The following CEP126 variants were observed in gnomAD, a reference collection of about 807,000 sequenced individuals.
CEP126 encodes the protein centrosomal protein 126, also known as centrosomal protein of 126 kDa.
A neutral mutation model predicts 107.8 loss-of-function variants in CEP126; 74 were observed. The ratio of observed to expected loss-of-function variants is 0.69; its 90% CI spans 0.57 to 0.83. The LOEUF (loss-of-function observed/expected upper bound fraction) is 0.83, where lower values mean the gene tolerates loss of function less well. Ranked by LOEUF, CEP126 falls within the 40% of genes least tolerant of loss-of-function variation. The pLI is 0.00. For missense variants in CEP126, 1,237 were observed against 1,281.9 expected, an observed-to-expected ratio of 0.96 and a Z score of 0.53; for synonymous variants, 449 against 446.0, an observed-to-expected ratio of 1.01 and a Z score of -0.08.
chr11:101,947,856 C>G (rs1940758358), intron 3 of CEP126, among the ~76,000 whole-genome samples, 175 bp from the exon 4 acceptor site: 1 of 152,090 alleles, frequency 6.6e-6, no homozygotes, highest in Non-Finnish European at 1.5e-5. Context: ...TGAGGTAACA[C>G]ATTCTCTTTT....
intron 2 of CEP126, among the ~76,000 whole-genome samples, chr11:101,927,705 C>A (rs556281308): frequency 2.0e-4 from 30 of 152,258 alleles, no homozygotes; most frequent in African/African-American, 7.2e-4. Flanking sequence ...CTTTGGGATT[C>A]ATTCAAGTTG....
chr11:101,993,911 T>C (rs1941413784), intron 10 of CEP126, among the ~76,000 whole-genome samples: 1 of 152,222 alleles, frequency 6.6e-6, no homozygotes, highest in African/African-American at 2.4e-5. Flanking sequence ...TGTTTCTTGC[T>C]TGTTAATTCA....
At chr11:101,937,026 A>G (rs971677806) in intron 2 of CEP126, among the ~76,000 whole-genome samples, 1 of 152,222 alleles carries the variant, frequency 6.6e-6, no homozygotes, top group African/African-American at 2.4e-5. Context: ...GTACATACAT[A>G]ATGAGTTATC....
At position 101,915,298 on chromosome 11, in the gene CEP126, G is replaced by C. The variant is rs1044020803; in HGVS notation, c.14G>C (p.Arg5Thr). 1.2e-6 allele frequency: 2 copies of C among 1,613,666 alleles called. No individual in the cohort carries two copies. Among genetic ancestry groups the C allele is most frequent in the South Asian group, 2.2e-5 (2 of 91,072 alleles). The change falls in exon 1 of 11, where the codon AGG becomes ACG. Residue 5 changes from arginine to threonine, a missense_variant. Physicochemically the swap from Arg to Thr is moderately conservative, Grantham distance 71. Coordinates refer to ENST00000263468, the MANE Select transcript of CEP126 (RefSeq NM_020802.4). ...CTGAAGTGAAGGATGCTGGCGGGGA[G>C]GCCCGGAACCCGGAGCGCGGTCGGG... MLAGRPGTRSAVGEL... is the reference protein window; with the variant it reads MLAGTPGTRSAVGEL...
At chr11:101,956,870 G>C (rs571499238) in intron 4 of CEP126, 1 of 371,628 alleles carries the variant, frequency 2.7e-6, no homozygotes, top group Non-Finnish European at 5.2e-6. Flanking sequence ...GAAGAAAGTA[G>C]AGAAGAGAAG....
chr11:101,930,862 G>A (rs1940488974), intron 2 of CEP126, among the ~76,000 whole-genome samples: 1 of 152,162 alleles, frequency 6.6e-6, no homozygotes, highest in South Asian at 2.1e-4. Flanking sequence ...GGTTGAATCT[G>A]TAGATATGGA....
At chr11:101,918,245 C>T (rs778204740) in intron 1 of CEP126, among the ~76,000 whole-genome samples, 11 of 152,142 alleles carry the variant, frequency 7.2e-5, no homozygotes, top group South Asian at 2.1e-4. Context: ...TCCAGGAGTT[C>T]GAAACCAGCC....
At chr11:101,969,987 T>A (rs1057191562) in intron 6 of CEP126, among the ~76,000 whole-genome samples, 1 of 152,182 alleles carries the variant, frequency 6.6e-6, no homozygotes, top group Non-Finnish European at 1.5e-5. Context: ...ATATAGGTAA[T>A]ACATTTATAA....
intron 6 of CEP126, among the ~76,000 whole-genome samples, chr11:101,968,785 T>C (rs1941090157): frequency 6.6e-6 from 1 of 152,126 alleles, no homozygotes; most frequent in South Asian, 2.1e-4. Flanking sequence ...AGAAATTTTG[T>C]AGGAAAATGA....
At chr11:101,957,205 G>A (rs1265915733) in intron 4 of CEP126, among the ~76,000 whole-genome samples, 3 of 152,096 alleles carry the variant, frequency 2.0e-5, no homozygotes, top group Admixed American at 6.6e-5. Flanking sequence ...TATGGATATT[G>A]GAGATAGGGA....
At chr11:101,936,072 G>A (rs1314155397) in intron 2 of CEP126, among the ~76,000 whole-genome samples, 3 of 152,082 alleles carry the variant, frequency 2.0e-5, no homozygotes, top group African/African-American at 7.2e-5. Flanking sequence ...GGTTTTGAGT[G>A]GGATTGTGGT....
chr11:101,919,351 C>CT (rs1940286484), intron 1 of CEP126, among the ~76,000 whole-genome samples: 1 of 151,900 alleles, frequency 6.6e-6, no homozygotes, highest in Non-Finnish European at 1.5e-5. Flanking sequence ...GGATAAAAGA[C>CT]TAAGTTGGGA....
chr11:101,956,633 TC>T (rs1352841066), intron 4 of CEP126: 8 of 456,244 alleles, frequency 1.8e-5, no homozygotes, highest in Non-Finnish European at 4.4e-6. Flanking sequence ...CTGTTCTACT[TC>T]TCCATCCTTA....
Position 101,922,660 on chromosome 11 carries a change from G to A in CEP126, c.148G>A (p.Glu50Lys). The change falls in exon 2 of 11, where the codon GAG becomes AAG. Residue 50 changes from glutamate to lysine, a missense_variant. Around this residue, in one of 3 missense-constraint regions of CEP126, gnomAD observed 1,134 missense variants for 1,150.5 expected, o/e 0.99. Transcript: ENST00000263468. ...GSYLDMKIHL[E>K]KNLEEERQIL... Reference sequence around the variant, plus strand: ...CATTAGAGATATGAAAATCCATCTGGAGAAAAATTTAGAAGAAGAGCGCCA... The same window carrying A: ...CATTAGAGATATGAAAATCCATCTGAAGAAAAATTTAGAAGAAGAGCGCCA... The A allele has an allele frequency of 6.2e-7, 1 of 1,607,330 alleles. No individual in the cohort carries two copies. Among genetic ancestry groups the A allele is most frequent in the Non-Finnish European group, 8.5e-7 (1 of 1,174,352 alleles).
At chr11:101,926,725 T>A (rs1043384380) in intron 2 of CEP126, among the ~76,000 whole-genome samples, 1 of 152,230 alleles carries the variant, frequency 6.6e-6, no homozygotes, top group Non-Finnish European at 1.5e-5. Flanking sequence ...ATGGAATTCT[T>A]GTAGATTATG....
chr11:101,974,664 G>A (rs1941172872), intron 6 of CEP126, among the ~76,000 whole-genome samples: 1 of 151,974 alleles, frequency 6.6e-6, no homozygotes, highest in Non-Finnish European at 1.5e-5. Context: ...TTTGAGTTTG[G>A]TAGTGAAACT....
chr11:101,934,413 A>G (rs751122818), intron 2 of CEP126, among the ~76,000 whole-genome samples: 22 of 151,910 alleles, frequency 1.4e-4, no homozygotes, highest in Non-Finnish European at 2.5e-4. Flanking sequence ...TCTCTGATCT[A>G]TATCTCCTAT....
rs1051620477 is a variant in CEP126, at chr11:101,915,072, C to G, written c.-213C>G. 1.8e-5 allele frequency: 11 copies of G among 598,900 alleles called. No individual in the cohort carries two copies. The highest frequency in any genetic ancestry group is 1.1e-4 in the African/African-American group (6 of 53,066). 37.1% of individuals were successfully genotyped at this position (598,900 alleles called of 1,614,324 possible). ...TGCTGCCGCCCCATCTGCTATTGCC[C>G]GGCGAGGTCGCCGCTGCCTCAGCTG... On this transcript the variant is annotated 5_prime_UTR_variant, in exon 1 of 11. Coordinates refer to ENST00000263468, the MANE Select transcript of CEP126 (RefSeq NM_020802.4).
At chr11:101,943,253 T>C (rs752471900) in intron 2 of CEP126, among the ~76,000 whole-genome samples, 4 of 152,062 alleles carry the variant, frequency 2.6e-5, no homozygotes, top group Non-Finnish European at 4.4e-5. Context: ...ACATTCTACC[T>C]ATCTCCTATG....
Sources: allele counts gnomAD v4.1 joint callset (sites outside exome capture counted in the v4.1 genomes callset), GRCh38; gene constraint gnomAD v4.1.1; regional missense constraint gnomAD v4.1.1; transcripts MANE v1.5; gene names NCBI Gene and HGNC (gene_info 2026-07-23, HGNC 2026-07-21).